Variants in ECHDC2 observed in about 807,000 individuals in gnomAD.
ECHDC2 encodes enoyl-CoA hydratase domain-containing protein 2, mitochondrial.
In ECHDC2, 34 loss-of-function variants were observed where a neutral mutation model predicts 40.6. The observed-to-expected ratio is 0.84, with a 90% confidence interval of 0.64 to 1.11. The LOEUF (loss-of-function observed/expected upper bound fraction) is 1.11, where lower values mean the gene tolerates loss of function less well. Ranked by LOEUF, ECHDC2 falls within the 50% of genes most tolerant of loss-of-function variation. The pLI, the probability that ECHDC2 is intolerant of heterozygous loss-of-function variation, is 0.00. For missense variants in ECHDC2, 392 were observed against 400.7 expected (o/e 0.98, Z 0.19); for synonymous variants, 162 against 166.6 (o/e 0.97, Z 0.21).
chr1:52,899,067 TC>T, intron 8 of ECHDC2, 106 bp downstream of exon 8: 1 of 1,132,210 alleles, frequency 8.8e-7, no homozygotes, highest in Non-Finnish European at 1.3e-6. Flanking sequence ...GTTAGAAGAG[TC>T]CACTTCCTGA....
At chr1:52,919,140 C>T (rs1557522908) in intron 1 of ECHDC2, among the ~76,000 whole-genome samples, 2 of 152,092 alleles carry the variant, frequency 1.3e-5, no homozygotes, top group African/African-American at 4.8e-5. Flanking sequence ...TCTGTCCGCC[C>T]GCAAGTCCAT....
intron 5 of ECHDC2, chr1:52,906,047 C>T (rs1647714684): frequency 3.1e-6 from 1 of 326,626 alleles, no homozygotes; most frequent in Non-Finnish European, 6.0e-6. Context: ...TTCTTTATCC[C>T]CTCCCATTCT....
At chr1:52,899,011 G>T in intron 8 of ECHDC2, 163 bp downstream of exon 8, 1 of 729,172 alleles carries the variant, frequency 1.4e-6, no homozygotes, top group Non-Finnish European at 2.5e-6. Flanking sequence ...TGGCCAATTT[G>T]CAGATGTGTA....
intron 1 of ECHDC2, chr1:52,920,603 TC>T: frequency 9.2e-7 from 1 of 1,084,174 alleles, no homozygotes; most frequent in Non-Finnish European, 1.4e-6. Context: ...AGTAAGCTGT[TC>T]CCTGTGCCTA....
Position 52,896,442 on chromosome 1 carries a change from G to A in ECHDC2, c.*78C>T. On this transcript the variant is annotated 3_prime_UTR_variant, in exon 10 of 10. Coordinates refer to ENST00000371522, the MANE Select transcript of ECHDC2 (RefSeq NM_001198961.2). ...AGTCTGGAGAGGTGAAATGATGAAG[G>A]CAATCTGGCCACAAATCTTCCTTCT... 6.2e-6 allele frequency: 7 copies of A among 1,128,134 alleles called. No homozygotes were observed. In the South Asian group the frequency reaches 7.4e-5, roughly 12 times the overall value. 69.9% of individuals were successfully genotyped at this position (1,128,134 alleles called of 1,614,324 possible).
chr1:52,897,232 T>A, intron 9 of ECHDC2: 1 of 609,952 alleles, frequency 1.6e-6, no homozygotes, highest in Non-Finnish European at 3.0e-6. Flanking sequence ...TGAACCCCAG[T>A]ACATTAGATG....
intron 1 of ECHDC2, chr1:52,912,137 C>G: frequency 1.3e-6 from 1 of 792,996 alleles, no homozygotes; most frequent in Admixed American, 4.5e-5. Context: ...CACCCATGTA[C>G]CTTCTTTAAT....
At chr1:52,912,154 A>T in intron 1 of ECHDC2, 2 of 570,960 alleles carry the variant, frequency 3.5e-6, no homozygotes, top group Admixed American at 5.3e-5. Flanking sequence ...TAATTTTACA[A>T]CTCCCTCCAT....
At chr1:52,909,277 TCAAA>T (rs1361157988) in intron 3 of ECHDC2, among the ~76,000 whole-genome samples, 11 of 152,108 alleles carry the variant, frequency 7.2e-5, no homozygotes, top group Admixed American at 3.9e-4. Context: ...AAGCAAGGAC[TCAAA>T]CAGATACAGT....
intron 1 of ECHDC2, chr1:52,920,520 C>G (rs954987203): frequency 6.5e-7 from 1 of 1,530,350 alleles, no homozygotes; most frequent in East Asian, 2.3e-5. Flanking sequence ...GCAGAAGAAA[C>G]TCGAGGAGCT....
chr1:52,910,101 G>A (rs978970135), intron 3 of ECHDC2, among the ~76,000 whole-genome samples: 11 of 152,092 alleles, frequency 7.2e-5, no homozygotes, highest in East Asian at 3.8e-4. Context: ...GATTCTACTG[G>A]TATGAGGTAT....
At position 52,920,572 on chromosome 1, in the gene ECHDC2, G is replaced by T. The variant is rs554754298; in HGVS notation, c.121+981C>A. On this transcript the variant is annotated intron_variant, in intron 1 of 9. Coordinates refer to ENST00000371522, the MANE Select transcript of ECHDC2 (RefSeq NM_001198961.2). ...GGGAAGGGGCCCTTGGCCACAAGTG[G>T]AATTAAGAAATCTGGCAAAAAGTAA... is the stretch of plus-strand genomic sequence containing the variant. The T allele has an allele frequency of 2.5e-4, 325 of 1,322,144 alleles. 4 individuals carry two copies. Among genetic ancestry groups the T allele is most frequent in the Admixed American group, 5.8e-4 (34 of 58,558 alleles). The allele number at this position is 1,322,144 out of a possible 1,614,324, so 81.9% of individuals were successfully genotyped here. A position where few individuals can be genotyped will look rare whatever the true frequency, so the allele number is the denominator to read the frequency against.
At chr1:52,913,305 T>A (rs1287291636) in intron 1 of ECHDC2, 2 of 152,180 alleles carry the variant, frequency 1.3e-5, no homozygotes, top group Non-Finnish European at 2.9e-5. Flanking sequence ...GCCCTACTTG[T>A]GTAATATTCT....
chr1:52,911,881 C>G lies in ECHDC2; in HGVS notation c.122-91G>C. On this transcript the variant is annotated intron_variant, in intron 1 of 9. Transcript: ENST00000371522. ...GGACTGGAGGCAGGAGGCCTGGGAT[C>G]TGGGGAGCCTCTGCCCTAGATGACC... 3 of 1,554,924 alleles carry G rather than the reference C, an allele frequency of 1.9e-6. 1 individual carries two copies. The South Asian group carries it at 3.5e-5, about 18-fold the overall frequency.
rs368580572 is a variant in ECHDC2, at chr1:52,911,629, G to A, written c.214C>T (p.Arg72Trp). 2.8e-5 allele frequency: 45 copies of A among 1,613,978 alleles called. No homozygotes were observed. Among genetic ancestry groups the A allele is most frequent in the Admixed American group, 2.5e-4 (15 of 59,998 alleles). Residue 72 changes from arginine to tryptophan, a missense_variant, in exon 3 of 10, where the codon CGG (arginine) becomes TGG (tryptophan). Physicochemically the swap from Arg to Trp is moderately radical, Grantham distance 101. Transcript: ENST00000371522. ...AGGACACGCACTTGCCGGTCCTCCC[G>A]CAGCTGGGCCAGAGTTTCCAGCAGC... ...SELLETLAQL[R>W]EDRQVRVLLF...
intron 1 of ECHDC2, among the ~76,000 whole-genome samples, chr1:52,916,617 T>C (rs1157754615): frequency 6.6e-6 from 1 of 152,222 alleles, no homozygotes; most frequent in East Asian, 1.9e-4. Flanking sequence ...GTATCTGAAC[T>C]TTAAGCTGGG....
intron 1 of ECHDC2, chr1:52,913,735 T>A (rs1236590488): frequency 6.0e-6 from 1 of 167,562 alleles, no homozygotes; most frequent in Non-Finnish European, 1.3e-5. Context: ...GAGGCACGTG[T>A]TGCAACTGAC....
chr1:52,918,115 C>T (rs1049033674), intron 1 of ECHDC2, among the ~76,000 whole-genome samples: 1 of 152,172 alleles, frequency 6.6e-6, no homozygotes, highest in Admixed American at 6.5e-5. Context: ...CCTTGACCTC[C>T]CCGGCTCAAG....
intron 9 of ECHDC2, 72 bp from the exon 10 acceptor site, chr1:52,896,669 T>C: frequency 7.7e-7 from 1 of 1,291,888 alleles, no homozygotes; most frequent in Non-Finnish European, 1.1e-6. Flanking sequence ...CTTAAGCTTG[T>C]CCAGCCCAAG....
Sources: allele counts gnomAD v4.1 joint callset (sites outside exome capture counted in the v4.1 genomes callset), GRCh38; gene constraint gnomAD v4.1.1; transcripts MANE v1.5; gene names NCBI Gene and HGNC (gene_info 2026-07-23, HGNC 2026-07-21).